Variants in SFXN2 observed in about 807,000 individuals in gnomAD.
SFXN2 encodes sideroflexin 2.
A neutral mutation model predicts 41.9 loss-of-function variants in SFXN2; 37 were observed. The observed-to-expected ratio is 0.88, with a 90% CI of 0.68 to 1.16. The LOEUF (loss-of-function observed/expected upper bound fraction) is 1.16. Ranked by LOEUF, SFXN2 falls within the 50% of genes most tolerant of loss-of-function variation. The pLI, the probability that SFXN2 is intolerant of heterozygous loss-of-function variation, is 0.00. For missense variants in SFXN2, 386 were observed against 425.2 expected, an observed-to-expected ratio of 0.91 and a Z score of 0.81; for synonymous variants, 150 against 156.7, an observed-to-expected ratio of 0.96 and a Z score of 0.32.
At position 102,730,519 on chromosome 10, in the gene SFXN2, C is replaced by G. The variant is rs144664065; in HGVS notation, c.593+711C>G. Reference sequence around the variant, plus strand: ...CACACTAGTCTTTGTAGAGGAAGCACTACCAGAATAGTTGTGCACACATGC... The same window carrying G: ...CACACTAGTCTTTGTAGAGGAAGCAGTACCAGAATAGTTGTGCACACATGC... On this transcript the variant is annotated intron_variant, in intron 6 of 11. Transcript: ENST00000369893. Among the ~76,000 whole-genome samples, 92 of 152,364 alleles carry G rather than the reference C, an allele frequency of 6.0e-4. 1 individual carries two copies. The highest frequency in any genetic ancestry group is 9.1e-4 in the Non-Finnish European group (62 of 68,042).
intron 1 of SFXN2, among the ~76,000 whole-genome samples, chr10:102,719,012 C>T (rs1415390666): frequency 6.7e-6 from 1 of 149,816 alleles, no homozygotes; most frequent in African/African-American, 2.5e-5. Flanking sequence ...CAACCTTCAC[C>T]TCCCGGGTTC....
Position 102,728,594 on chromosome 10 carries a change from G to A in SFXN2, c.431+65G>A, listed in dbSNP as rs2064648391. ...ACGAACAGCTTTTCTAAAGGGTTCTGGGCTGTCAGTCCTTCCTGGGTAGCA... is the reference window on the plus strand; with the variant it reads ...ACGAACAGCTTTTCTAAAGGGTTCTAGGCTGTCAGTCCTTCCTGGGTAGCA... On this transcript the variant is annotated intron_variant, in intron 4 of 11. Coordinates refer to ENST00000369893, the MANE Select transcript of SFXN2 (RefSeq NM_178858.6). 5 of 1,416,086 alleles carry A rather than the reference G, an allele frequency of 3.5e-6. No homozygotes were observed. In the Admixed American group the frequency reaches 8.4e-5, roughly 24 times the overall value. 87.7% of individuals were successfully genotyped at this position (1,416,086 alleles called of 1,614,324 possible). A position where few individuals can be genotyped will look rare whatever the true frequency, so the allele number is the denominator to read the frequency against.
At chr10:102,717,142 T>TC (rs2064428048) in intron 1 of SFXN2, among the ~76,000 whole-genome samples, 1 of 147,582 alleles carries the variant, frequency 6.8e-6, no homozygotes, top group Non-Finnish European at 1.5e-5. Flanking sequence ...TTTTTTTTTT[T>TC]TTTTGTGGAG....
At chr10:102,736,814 G>C (rs928091013) in intron 11 of SFXN2, among the ~76,000 whole-genome samples, 1 of 151,470 alleles carries the variant, frequency 6.6e-6, no homozygotes, top group African/African-American at 2.4e-5. Context: ...GCCTCCCAAA[G>C]TATTGGGATT....
At chr10:102,719,198 C>T (rs1345846164) in intron 1 of SFXN2, among the ~76,000 whole-genome samples, 1 of 151,642 alleles carries the variant, frequency 6.6e-6, no homozygotes, top group Non-Finnish European at 1.5e-5. Flanking sequence ...ACTGGGGTTA[C>T]AGGCATGAGC....
chr10:102,739,861 C>G lies in SFXN2; in HGVS notation c.*2099C>G, dbSNP rs1480948027. On this transcript the variant is annotated 3_prime_UTR_variant, in exon 12 of 12. Transcript: ENST00000369893. ...CTGGGAGGTGGAGGTTGTGGTGAGC[C>G]AAGATTGCGCCACTGCACTCCAACC... 6.6e-6 allele frequency: 1 copy of G among 150,426 alleles called. No individual in the cohort carries two copies. The highest frequency in any genetic ancestry group is 1.5e-5 in the Non-Finnish European group (1 of 67,770). The allele number at this position is 150,426 out of a possible 1,614,324, so 9.3% of individuals were successfully genotyped here.
At position 102,735,758 on chromosome 10, in the gene SFXN2, A is replaced by G. The variant is rs556095876; in HGVS notation, c.822-104A>G. 7.5e-5 allele frequency: 86 copies of G among 1,150,274 alleles called. No homozygotes were observed. The African/African-American group carries it at 1.2e-3, about 16-fold the overall frequency. 71.3% of individuals were successfully genotyped at this position (1,150,274 alleles called of 1,614,324 possible). A position where few individuals can be genotyped will look rare whatever the true frequency, so the allele number is the denominator to read the frequency against. On this transcript the variant is annotated intron_variant, in intron 10 of 11. Transcript: ENST00000369893. Reference sequence around the variant, plus strand: ...GGAGAGGATATGGTGCCAGCTGGGAAGGCAGGCCAGGTGCCTGGGCATTGC... The same window carrying G: ...GGAGAGGATATGGTGCCAGCTGGGAGGGCAGGCCAGGTGCCTGGGCATTGC...
chr10:102,722,919 A>G (rs1223223510), intron 1 of SFXN2, among the ~76,000 whole-genome samples: 3 of 138,606 alleles, frequency 2.2e-5, no homozygotes, highest in Non-Finnish European at 3.0e-5. Flanking sequence ...TTTGTCCAAG[A>G]AAGTCCTTTT....
chr10:102,731,688 C>A (rs1016460918), intron 6 of SFXN2, 35 bp from the exon 7 acceptor site: 1 of 1,600,288 alleles, frequency 6.2e-7, no homozygotes, highest in South Asian at 1.1e-5. Context: ...TCCATCACCC[C>A]TTTCCCAAGT....
At chr10:102,717,570 T>G (rs1233652590) in intron 1 of SFXN2, 1 of 156,332 alleles carries the variant, frequency 6.4e-6, no homozygotes. Flanking sequence ...TAGGGAAGAC[T>G]AGATGTGGCT....
intron 1 of SFXN2, among the ~76,000 whole-genome samples, chr10:102,717,082 G>A (rs1179505343): frequency 4.7e-5 from 7 of 150,098 alleles, no homozygotes; most frequent in Non-Finnish European, 7.4e-5. Flanking sequence ...TGTAAACTGA[G>A]ATCTTAGATC....
intron 3 of SFXN2, 104 bp downstream of exon 3, chr10:102,727,261 C>T (rs1207050902): frequency 7.9e-7 from 1 of 1,265,120 alleles, no homozygotes; most frequent in Non-Finnish European, 1.1e-6. Flanking sequence ...GGTCACTTAC[C>T]AGATACCAGG....
At chr10:102,717,719 A>G (rs2064437854) in intron 1 of SFXN2, 1 of 982,992 alleles carries the variant, frequency 1.0e-6, no homozygotes, top group African/African-American at 1.7e-5. Flanking sequence ...TCTAAGTTTG[A>G]CTTAAAAGAG....
chr10:102,737,043 A>G (rs946930616), intron 11 of SFXN2, among the ~76,000 whole-genome samples: 3 of 152,064 alleles, frequency 2.0e-5, no homozygotes, highest in African/African-American at 7.2e-5. Context: ...AATCCCAGCT[A>G]CTTGGGAAGC....
chr10:102,724,499 C>G (rs976042657), intron 1 of SFXN2, among the ~76,000 whole-genome samples: 3 of 152,092 alleles, frequency 2.0e-5, no homozygotes, highest in African/African-American at 7.2e-5. Flanking sequence ...GTCAGGAGAT[C>G]GAGACCATCC....
intron 1 of SFXN2, among the ~76,000 whole-genome samples, chr10:102,724,121 C>T (rs1440707701): frequency 2.6e-5 from 4 of 152,126 alleles, no homozygotes; most frequent in Admixed American, 2.6e-4. Flanking sequence ...TCTGTTCCTG[C>T]ATTAGTTTGC....
rs763216101 is a variant in SFXN2, at chr10:102,731,720, T to C, written c.594-3T>C. The C allele has an allele frequency of 6.2e-6, 10 of 1,613,588 alleles. No homozygotes were observed. The highest frequency in any genetic ancestry group is 4.0e-5 in the African/African-American group (3 of 75,042). On this transcript the variant is annotated splice_polypyrimidine_tract_variant and splice_region_variant and intron_variant, in intron 6 of 11. Transcript: ENST00000369893. Reference sequence around the variant, plus strand: ...AAGTCCATTAACTCCTGTCTGTGTTTAGGGAGCTCATAAAGGGAATCTGCG... The same window carrying C: ...AAGTCCATTAACTCCTGTCTGTGTTCAGGGAGCTCATAAAGGGAATCTGCG...
chr10:102,737,021 G>T (rs959723716), intron 11 of SFXN2, among the ~76,000 whole-genome samples: 1 of 152,036 alleles, frequency 6.6e-6, no homozygotes, highest in Non-Finnish European at 1.5e-5. Context: ...GGGTGTGGTG[G>T]TGCATGCCTG....
Position 102,727,169 on chromosome 10 carries a change from G to A in SFXN2, c.332+12G>A. Reference sequence around the variant, plus strand: ...CTCCAGTTCTACAGGTGGGACCTGGGGGCAGGGCCGTGGGAGGTACAGCTG... The same window carrying A: ...CTCCAGTTCTACAGGTGGGACCTGGAGGCAGGGCCGTGGGAGGTACAGCTG... On this transcript the variant is annotated intron_variant, in intron 3 of 11. Coordinates refer to ENST00000369893, the MANE Select transcript of SFXN2 (RefSeq NM_178858.6). 6.3e-7 allele frequency: 1 copy of A among 1,588,670 alleles called. No individual in the cohort carries two copies. The highest frequency in any genetic ancestry group is 1.1e-5 in the South Asian group (1 of 90,478).
Sources: allele counts gnomAD v4.1 joint callset (sites outside exome capture counted in the v4.1 genomes callset), GRCh38; gene constraint gnomAD v4.1.1; transcripts MANE v1.5; gene names NCBI Gene and HGNC (gene_info 2026-07-23, HGNC 2026-07-21).